The following SLC6A3 variants were observed in gnomAD, a reference collection of about 807,000 sequenced individuals.
SLC6A3 encodes solute carrier family 6 member 3.
SLC6A3 carries 19 observed loss-of-function variants against 70.4 expected under a neutral mutation model. The observed-to-expected ratio is 0.27, with a 90% confidence interval of 0.19 to 0.40. SLC6A3 has a LOEUF of 0.40. SLC6A3 is among the 10% of genes least tolerant of loss of function. The pLI is 1.00. For missense variants in SLC6A3, 613 were observed against 838.5 expected (o/e 0.73, Z 3.32); for synonymous variants, 368 against 356.6 (o/e 1.03, Z -0.36).
chr5:1,422,647 T>C lies in SLC6A3; in HGVS notation c.654-633A>G, dbSNP rs111251175. On this transcript the variant is annotated intron_variant, in intron 4 of 14. Coordinates refer to ENST00000270349, the MANE Select transcript of SLC6A3 (RefSeq NM_001044.5). ...GCCCACCGCTGCCCAGTGCTGCCCA[T>C]GGTGCTGGGTACCCACCGCTGCCCA... Among the ~76,000 whole-genome samples the C allele has an allele frequency of 2.7e-3, 76 of 28,192 alleles. 16 individuals carry two copies. Among genetic ancestry groups the C allele is most frequent in the East Asian group, 0.017 (8 of 464 alleles). The allele number at this position is 28,192 out of a possible 152,430, so 18.5% of individuals were successfully genotyped here. A position where few individuals can be genotyped will look rare whatever the true frequency, so the allele number is the denominator to read the frequency against.
Position 1,406,332 on chromosome 5 carries a change from T to C in SLC6A3, c.1499-44A>G, listed in dbSNP as rs2126332460. 6.6e-7 allele frequency: 1 copy of C among 1,506,418 alleles called. No individual in the cohort carries two copies. The allele number at this position is 1,506,418 out of a possible 1,614,324, so 93.3% of individuals were successfully genotyped here. On this transcript the variant is annotated intron_variant, in intron 11 of 14. Transcript: ENST00000270349. This position sits in a 1 kb window ranked among gnomAD's most constrained non-coding sequence, Gnocchi z 8.8. ...CATCAGTGTCCATCAGGGCAGCGCA[T>C]TCCCCCGATGCTGGACACGTGTGGG...
chr5:1,432,391 C>T (rs1214260672), intron 4 of SLC6A3, 73 bp downstream of exon 4: 4 of 1,165,422 alleles, frequency 3.4e-6, no homozygotes, highest in African/African-American at 1.5e-5. Flanking sequence ...GGGCTGGTGT[C>T]CAACCAAGGG....
rs376554288 is a variant in SLC6A3, at chr5:1,432,511, C to G, written c.606G>C (p.Ser202=). The change falls in exon 4 of 15, where the codon TCG becomes TCC. Residue 202 remains serine, a synonymous_variant. Transcript: ENST00000270349. The part of the protein sequence containing the change: ...AHPGDSSGDS[S]GLNDTFGTTP... The stretch of plus-strand genomic sequence containing the variant: ...TGGTCCCAAAAGTGTCGTTGAGGCC[C>G]GAGCTGTCTCCACTGGAGTCACCAG... 3 of 1,614,096 alleles carry G rather than the reference C, an allele frequency of 1.9e-6. No individual in the cohort carries two copies. The Admixed American group carries it at 5.0e-5, about 27-fold the overall frequency.
In SLC6A3 at chr5:1,430,065, C is replaced by T. The variant is rs567287728; in HGVS notation, c.653+2399G>A. Among the ~76,000 whole-genome samples, 7 of 152,288 alleles carry T rather than the reference C, an allele frequency of 4.6e-5. No homozygotes were observed. The South Asian group carries it at 1.0e-3, about 23-fold the overall frequency. On this transcript the variant is annotated intron_variant, in intron 4 of 14. Transcript: ENST00000270349. Reference sequence around the variant, plus strand: ...TTGCCTGCAGCTGCGCTTCCTATGGCGATGCTCGTCCAAGTGTCTTCAGGC... The same window carrying T: ...TTGCCTGCAGCTGCGCTTCCTATGGTGATGCTCGTCCAAGTGTCTTCAGGC...
rs250685 is a variant in SLC6A3, at chr5:1,425,630, G to T, written c.654-3616C>A. ...TTTCACAATCTTGGACTTGGCAATGGTTTCTTAGATATGACACAAAAGATG... is the reference window on the plus strand; with the variant it reads ...TTTCACAATCTTGGACTTGGCAATGTTTTCTTAGATATGACACAAAAGATG... On this transcript the variant is annotated intron_variant, in intron 4 of 14. Coordinates refer to ENST00000270349, the MANE Select transcript of SLC6A3 (RefSeq NM_001044.5). Among the ~76,000 whole-genome samples the T allele has an allele frequency of 1.2e-4, 19 of 152,270 alleles. No homozygotes were observed. The East Asian group carries it at 3.5e-3, about 28-fold the overall frequency.
At chr5:1,415,891 C>G (rs1241617214) in intron 7 of SLC6A3, among the ~76,000 whole-genome samples, 1 of 152,250 alleles carries the variant, frequency 6.6e-6, no homozygotes, top group Non-Finnish European at 1.5e-5. Context: ...GACACACCCA[C>G]TGGCTTCAGT....
chr5:1,438,139 C>A lies in SLC6A3; in HGVS notation c.418+3220G>T, dbSNP rs1008904627. On this transcript the variant is annotated intron_variant, in intron 3 of 14. Coordinates refer to ENST00000270349, the MANE Select transcript of SLC6A3 (RefSeq NM_001044.5). This position sits in a 1 kb window ranked among gnomAD's most constrained non-coding sequence, Gnocchi z 6.5. Reference sequence around the variant, plus strand: ...TCTAAAAAGAAGTCCAGCTTTCTTGCACTGATTCATCTATCCCTTCGTGGG... The same window carrying A: ...TCTAAAAAGAAGTCCAGCTTTCTTGAACTGATTCATCTATCCCTTCGTGGG... Among the ~76,000 whole-genome samples, 3 of 152,246 alleles carry A rather than the reference C, an allele frequency of 2.0e-5. No individual in the cohort carries two copies. The highest frequency in any genetic ancestry group is 7.2e-5 in the African/African-American group (3 of 41,462).
At position 1,394,739 on chromosome 5, in the gene SLC6A3, A is replaced by G. The variant is rs776899150; in HGVS notation, c.1859T>C (p.Val620Ala). The change falls in exon 15 of 15, where the codon GTG becomes GCG. Residue 620 changes from valine to alanine, a missense_variant. Physicochemically the swap from Val to Ala is moderately conservative, Grantham distance 64. This residue lies in a region of SLC6A3 where 348 missense variants were observed against 481.2 expected (regional missense o/e 0.72). Transcript: ENST00000270349. This position sits in a 1 kb window ranked among gnomAD's most constrained non-coding sequence, Gnocchi z 4.7. ...RQFTLRHWLK[V>A] is the part of the protein sequence containing the mutation. Reference sequence around the variant, plus strand: ...GGGTCTTCGTCTCTGCTCCCTCTACACCTTGAGCCAGTGGCGGAGCTGGAA... The same window carrying G: ...GGGTCTTCGTCTCTGCTCCCTCTACGCCTTGAGCCAGTGGCGGAGCTGGAA... 2 of 1,614,098 alleles carry G rather than the reference A, an allele frequency of 1.2e-6. No individual in the cohort carries two copies. Among genetic ancestry groups the G allele is most frequent in the Non-Finnish European group, 8.5e-7 (1 of 1,179,994 alleles).
intron 4 of SLC6A3, among the ~76,000 whole-genome samples, chr5:1,430,149 C>G (rs1189876022): frequency 6.6e-6 from 1 of 152,080 alleles, no homozygotes; most frequent in Non-Finnish European, 1.5e-5. Flanking sequence ...CCTTCTGAAA[C>G]CAGCCCTCCT....
At chr5:1,433,177 G>A (rs552706181) in intron 3 of SLC6A3, among the ~76,000 whole-genome samples, 1 of 152,224 alleles carries the variant, frequency 6.6e-6, no homozygotes, top group South Asian at 2.1e-4. Context: ...CCCAACTCAT[G>A]GTTAACCAGG....
At chr5:1,434,446 G>A (rs961956620) in intron 3 of SLC6A3, among the ~76,000 whole-genome samples, 1 of 152,214 alleles carries the variant, frequency 6.6e-6, no homozygotes, top group Admixed American at 6.5e-5. Context: ...CATCATTTAT[G>A]GGGTCTCCTG....
chr5:1,410,053 G>C (rs1321475261), intron 9 of SLC6A3, among the ~76,000 whole-genome samples: 1 of 152,248 alleles, frequency 6.6e-6, no homozygotes, highest in Non-Finnish European at 1.5e-5. Context: ...CAGGAGAGAG[G>C]ACCCAGAGGG....
In SLC6A3 at chr5:1,397,259, T is replaced by C. The variant is rs1181611315; in HGVS notation, c.1840-2501A>G. On this transcript the variant is annotated intron_variant, in intron 14 of 14. Transcript: ENST00000270349. This position sits in a 1 kb window ranked among gnomAD's most constrained non-coding sequence, Gnocchi z 4.7. ...TCCACAGATCTGGCCACAAAACATATCCAGAGAGGAAAAATAAAAAGAAAC... is the reference window on the plus strand; with the variant it reads ...TCCACAGATCTGGCCACAAAACATACCCAGAGAGGAAAAATAAAAAGAAAC... Among the ~76,000 whole-genome samples the C allele has an allele frequency of 6.6e-6, 1 of 151,920 alleles. No homozygotes were observed. Among genetic ancestry groups the C allele is most frequent in the Non-Finnish European group, 1.5e-5 (1 of 67,990 alleles).
chr5:1,431,313 G>A (rs1756695897), intron 4 of SLC6A3, among the ~76,000 whole-genome samples: 1 of 152,244 alleles, frequency 6.6e-6, no homozygotes, highest in Non-Finnish European at 1.5e-5. Context: ...GGCCCAAAAG[G>A]ACTTCATCGG....
Position 1,406,226 on chromosome 5 carries a change from G to T in SLC6A3, c.1561C>A (p.Arg521=), listed in dbSNP as rs431905516. 1.2e-6 allele frequency: 2 copies of T among 1,612,954 alleles called. No homozygotes were observed. Among genetic ancestry groups the T allele is most frequent in the South Asian group, 1.1e-5 (1 of 91,088 alleles). Residue 521 remains arginine, a synonymous_variant, in exon 12 of 15, where the codon CGG becomes AGG. Coordinates refer to ENST00000270349, the MANE Select transcript of SLC6A3 (RefSeq NM_001044.5). This position sits in a 1 kb window ranked among gnomAD's most constrained non-coding sequence, Gnocchi z 8.8. ...MTGQRPSLYW[R]LCWKLVSPCF... ...GGGCTGACCAGCTTCCAGCACAGCC[G>T]CCAGTACAGGCTGGGCCGCTGCCCG... is the stretch of plus-strand genomic sequence containing the variant.
Position 1,394,803 on chromosome 5 carries a change from C to A in SLC6A3, c.1840-45G>T, listed in dbSNP as rs777039025. 6.2e-7 allele frequency: 1 copy of A among 1,611,422 alleles called. No individual in the cohort carries two copies. The highest frequency in any genetic ancestry group is 8.5e-7 in the Non-Finnish European group (1 of 1,177,654). On this transcript the variant is annotated intron_variant, in intron 14 of 14. Coordinates refer to ENST00000270349, the MANE Select transcript of SLC6A3 (RefSeq NM_001044.5). The surrounding 1 kb of genome is among the most constrained non-coding windows in gnomAD (Gnocchi z 4.7). ...AGTCAGAAACCCTGGGGCGATGCCC[C>A]ATTTAAGAGCAGCTGAAGGTGGCTA...
At position 1,402,927 on chromosome 5, in the gene SLC6A3, G is replaced by A. The variant is rs1333211743; in HGVS notation, c.1762C>T (p.Arg588Ter). The A allele has an allele frequency of 6.2e-7, 1 of 1,613,370 alleles. No individual in the cohort carries two copies. The highest frequency in any genetic ancestry group is 8.5e-7 in the Non-Finnish European group (1 of 1,180,006). Reference protein sequence around the residue: ...YKFCSLPGSFREKLAYAIAPE... With the variant: ...YKFCSLPGSF Reference sequence around the variant, plus strand: ...CGCCCCGTCCAAATACCCACCTCTCGAAAGGACCCAGGCAGGCTGCAGAAC... The same window carrying A: ...CGCCCCGTCCAAATACCCACCTCTCAAAAGGACCCAGGCAGGCTGCAGAAC... Residue 588 changes from arginine to a stop codon, truncating the protein, a stop_gained, in exon 13 of 15, where the codon CGA becomes TGA. Coordinates refer to ENST00000270349, the MANE Select transcript of SLC6A3 (RefSeq NM_001044.5). LOFTEE classifies it high-confidence loss of function. This position sits in a 1 kb window ranked among gnomAD's most constrained non-coding sequence, Gnocchi z 8.5.
Position 1,416,087 on chromosome 5 carries a change from T to C in SLC6A3, c.1031+11A>G. 6.2e-7 allele frequency: 1 copy of C among 1,606,184 alleles called. No homozygotes were observed. The highest frequency in any genetic ancestry group is 8.5e-7 in the Non-Finnish European group (1 of 1,172,838). On this transcript the variant is annotated intron_variant, in intron 7 of 14. Coordinates refer to ENST00000270349, the MANE Select transcript of SLC6A3 (RefSeq NM_001044.5). ...TGATGAGGCCCCTGCCTGGCCCTGC[T>C]AGGGGCTCACCTGTAGCAGTTGTTG...
At position 1,436,710 on chromosome 5, in the gene SLC6A3, C is replaced by T. The variant is rs147865111; in HGVS notation, c.419-4012G>A. The stretch of plus-strand genomic sequence containing the variant: ...CCAGGGCGTCTGTAAAATGGGGTTG[C>T]CCTTGGCAATGAAACCGAAACCTGA... On this transcript the variant is annotated intron_variant, in intron 3 of 14. Coordinates refer to ENST00000270349, the MANE Select transcript of SLC6A3 (RefSeq NM_001044.5). This position sits in a 1 kb window ranked among gnomAD's most constrained non-coding sequence, Gnocchi z 5.2. Among the ~76,000 whole-genome samples the T allele has an allele frequency of 7.9e-5, 12 of 152,242 alleles. No individual in the cohort carries two copies. Among genetic ancestry groups the T allele is most frequent in the African/African-American group, 2.9e-4 (12 of 41,542 alleles).
Sources: allele counts gnomAD v4.1 joint callset (sites outside exome capture counted in the v4.1 genomes callset), GRCh38; gene constraint gnomAD v4.1.1; regional missense constraint gnomAD v4.1.1; non-coding constraint Gnocchi (gnomAD v3.1); transcripts MANE v1.5; gene names NCBI Gene and HGNC (gene_info 2026-07-23, HGNC 2026-07-21).